GRAMD1C: variants seen among roughly 807,000 people sequenced by gnomAD.
The protein encoded by GRAMD1C is protein Aster-C.
Under a neutral mutation model 97.8 loss-of-function variants are expected in GRAMD1C, and 89 were observed. The ratio of observed to expected loss-of-function variants is 0.91; its 90% CI spans 0.77 to 1.09. The LOEUF is 1.09. Among genes scored for constraint, GRAMD1C ranks in the 50% least tolerant of loss-of-function variants. The pLI, the probability that GRAMD1C is intolerant of heterozygous loss-of-function variation, is 0.00. For synonymous variants in GRAMD1C, 256 were observed against 267.0 expected, an observed-to-expected ratio of 0.96 and a Z score of 0.40; for missense variants, 740 against 766.4, an observed-to-expected ratio of 0.97 and a Z score of 0.41.
chr3:113,941,871 G>A (rs962559387), intron 17 of GRAMD1C, among the ~76,000 whole-genome samples: 1 of 151,728 alleles, frequency 6.6e-6, no homozygotes, highest in Admixed American at 6.6e-5. Context: ...CTCTCACCTC[G>A]GCCTCCCAAA....
At chr3:113,858,279 C>T (rs1934228305) in intron 2 of GRAMD1C, among the ~76,000 whole-genome samples, 1 of 151,778 alleles carries the variant, frequency 6.6e-6, no homozygotes, top group Non-Finnish European at 1.5e-5. Flanking sequence ...GTTGCCCAGG[C>T]TGGGGTGCAG....
chr3:113,922,666 T>C (rs931384896), intron 10 of GRAMD1C, among the ~76,000 whole-genome samples: 1 of 152,232 alleles, frequency 6.6e-6, no homozygotes, highest in Non-Finnish European at 1.5e-5. Context: ...CCATGCTGTT[T>C]TGGTTACGGT....
chr3:113,873,077 A>G (rs1447681187), intron 3 of GRAMD1C, among the ~76,000 whole-genome samples: 1 of 90,316 alleles, frequency 1.1e-5, no homozygotes. Flanking sequence ...TGGGCGACAG[A>G]GCAAGACTCC....
intron 1 of GRAMD1C, among the ~76,000 whole-genome samples, chr3:113,840,584 A>G (rs1260698246): frequency 1.4e-5 from 2 of 144,898 alleles, no homozygotes; most frequent in Non-Finnish European, 3.0e-5. Flanking sequence ...CTACCAAAAT[A>G]AAAAAAAAAA....
upstream of GRAMD1C, among the ~76,000 whole-genome samples, chr3:113,835,992 A>G (rs2566983): frequency 0.98 from 148,654 of 152,282 alleles, 72,671 homozygotes; most frequent in East Asian, 1. Context: ...GGCCAGGTGC[A>G]GTGGCTCACG....
rs895378595 is a variant in GRAMD1C at position 113,850,388 on chromosome 3, C to G, written c.174+5739C>G. 4.7e-6 allele frequency: 4 copies of G among 849,166 alleles called. No individual in the cohort carries two copies. The African/African-American group carries it at 6.6e-5, about 14-fold the overall frequency. The allele number at this position is 849,166 out of a possible 1,614,324, so 52.6% of individuals were successfully genotyped here. On this transcript the variant is annotated intron_variant, in intron 2 of 17. Transcript: ENST00000358160. ...TCTGTCGGCTTCCCCTTTTGTGAGT[C>G]TTGCAGGTCGCTCACCCTCCAGACC...
chr3:113,899,470 G>A (rs1306637686), intron 6 of GRAMD1C, among the ~76,000 whole-genome samples: 2 of 151,972 alleles, frequency 1.3e-5, no homozygotes, highest in Non-Finnish European at 2.9e-5. Flanking sequence ...ATTAAAAGTT[G>A]TTTGAGGGCC....
rs975462071 is a variant in GRAMD1C, at chr3:113,921,086, C to T, written c.1090+5248C>T. Among the ~76,000 whole-genome samples the T allele has an allele frequency of 3.3e-5, 5 of 152,104 alleles. No individual in the cohort carries two copies. The South Asian group carries it at 1.0e-3, about 32-fold the overall frequency. ...TCCACCCTCCACCCTCAAGTAGGCT[C>T]CAGTGTCTACTGTTCCCTTCTTTGC... On this transcript the variant is annotated intron_variant, in intron 10 of 17. Coordinates refer to ENST00000358160, the MANE Select transcript of GRAMD1C (RefSeq NM_017577.5).
intron 10 of GRAMD1C, among the ~76,000 whole-genome samples, chr3:113,924,087 T>TG (rs1196045613): frequency 4.0e-5 from 5 of 125,958 alleles, no homozygotes; most frequent in Admixed American, 1.8e-4. Flanking sequence ...TAATAGTCTC[T>TG]GGGGTTTTTT....
At chr3:113,879,942 C>T (rs898297117) in intron 5 of GRAMD1C, among the ~76,000 whole-genome samples, 2 of 152,052 alleles carry the variant, frequency 1.3e-5, no homozygotes, top group South Asian at 4.2e-4. Flanking sequence ...GATCTGCCTG[C>T]CTTGGCCGCC....
chr3:113,915,390 ATAT>A (rs1462337340), intron 9 of GRAMD1C, among the ~76,000 whole-genome samples: 1 of 152,166 alleles, frequency 6.6e-6, no homozygotes, highest in Non-Finnish European at 1.5e-5. Context: ...TTTGAGTGAC[ATAT>A]TATGGCCATT....
intron 1 of GRAMD1C, among the ~76,000 whole-genome samples, 184 bp from the exon 2 acceptor site, chr3:113,844,319 A>AAAAAAT (rs1278877053): frequency 1.3e-5 from 2 of 152,178 alleles, no homozygotes; most frequent in African/African-American, 4.8e-5. Flanking sequence ...AAGAATTTAA[A>AAAAAAT]AAAAATAAAA....
At chr3:113,855,705 G>GA (rs549606356) in intron 2 of GRAMD1C, among the ~76,000 whole-genome samples, 1,478 of 127,376 alleles carry the variant, frequency 0.012, 21 homozygotes, top group African/African-American at 0.037. Context: ...CTCTGTCTCA[G>GA]AAAAAAAAAA....
chr3:113,887,268 T>A (rs1052664483), intron 6 of GRAMD1C, among the ~76,000 whole-genome samples: 2 of 151,496 alleles, frequency 1.3e-5, no homozygotes, highest in Non-Finnish European at 2.9e-5. Context: ...TTTTTGGTAT[T>A]TTTAGTAGAG....
chr3:113,931,192 C>A (rs1468110638), intron 11 of GRAMD1C, among the ~76,000 whole-genome samples: 1 of 152,018 alleles, frequency 6.6e-6, no homozygotes, highest in East Asian at 1.9e-4. Flanking sequence ...ATATTGATGT[C>A]TAGGATTTCC....
intron 1 of GRAMD1C, among the ~76,000 whole-genome samples, chr3:113,839,866 CAG>C (rs1162106001): frequency 1.3e-5 from 2 of 152,128 alleles, no homozygotes; most frequent in Non-Finnish European, 2.9e-5. Context: ...GCTAATAAGT[CAG>C]AGAGACAGGA....
At chr3:113,849,648 A>T (rs979624449) in intron 2 of GRAMD1C, among the ~76,000 whole-genome samples, 4 of 152,080 alleles carry the variant, frequency 2.6e-5, no homozygotes. Context: ...AGGCAGAAGA[A>T]TTTTTCTTAG....
intron 17 of GRAMD1C, among the ~76,000 whole-genome samples, chr3:113,943,302 T>C (rs1285240231): frequency 6.6e-6 from 1 of 152,236 alleles, no homozygotes; most frequent in Non-Finnish European, 1.5e-5. Flanking sequence ...TATCTAATCT[T>C]GCTTTCTTTA....
Position 113,904,263 on chromosome 3 carries a change from A to C in GRAMD1C, c.780A>C (p.Ser260=). 6.2e-7 allele frequency: 1 copy of C among 1,601,622 alleles called. No homozygotes were observed. The highest frequency in any genetic ancestry group is 8.6e-7 in the Non-Finnish European group (1 of 1,168,676). ...AAACAGAGTCATTCGATGGAAATTC[A>C]TCAAAAGGAGTTAGTATATGATATC... ...VSETESFDGN[S]SKGGLGKEES... The change falls in exon 8 of 18, where the codon TCA becomes TCC. Residue 260 remains serine (S), a synonymous_variant. Coordinates refer to ENST00000358160, the MANE Select transcript of GRAMD1C (RefSeq NM_017577.5).
Sources: gnomAD v4.1 joint callset for allele counts (sites outside exome capture counted in the v4.1 genomes callset) on GRCh38, gnomAD v4.1.1 for gene constraint, MANE v1.5 for transcripts, NCBI Gene and HGNC (gene_info 2026-07-23, HGNC 2026-07-21) for gene names.